DOCK2: variants seen among roughly 807,000 people sequenced by gnomAD.
The protein encoded by DOCK2 is dedicator of cytokinesis 2.
In DOCK2, 87 loss-of-function variants were observed where a neutral mutation model predicts 248.9. The observed-to-expected ratio is 0.35, with a 90% CI of 0.29 to 0.42. The LOEUF (loss-of-function observed/expected upper bound fraction) is 0.42. DOCK2 is among the 10% of genes least tolerant of loss of function. The pLI is 1.00. For synonymous variants in DOCK2, 805 were observed against 821.6 expected, an observed-to-expected ratio of 0.98 and a Z score of 0.35; for missense variants, 1,747 against 2,300.2, an observed-to-expected ratio of 0.76 and a Z score of 4.92.
chr5:169,898,474 T>C (rs1773735719), intron 27 of DOCK2, among the ~76,000 whole-genome samples: 1 of 152,186 alleles, frequency 6.6e-6, no homozygotes, highest in Non-Finnish European at 1.5e-5. Flanking sequence ...CTCAGTTTTC[T>C]TATCTGTAAC....
At chr5:169,772,046 T>C (rs900665636) in intron 25 of DOCK2, among the ~76,000 whole-genome samples, 3 of 152,228 alleles carry the variant, frequency 2.0e-5, no homozygotes, top group Non-Finnish European at 2.9e-5. Flanking sequence ...TTTCAGGACA[T>C]TGCTCTTTCC....
rs149297062 is a variant in DOCK2 at position 169,844,588 on chromosome 5, T to G, written c.2799+3736T>G. ...CCACTTCACATTCCCCCCAGCAATGTTTGAGGTTTTGTTTACCCACATCCC... is the reference window on the plus strand; with the variant it reads ...CCACTTCACATTCCCCCCAGCAATGGTTGAGGTTTTGTTTACCCACATCCC... On this transcript the variant is annotated intron_variant, in intron 27 of 51. Transcript: ENST00000520908. Among the ~76,000 whole-genome samples the G allele has an allele frequency of 7.9e-5, 12 of 152,342 alleles. No homozygotes were observed. In the East Asian group the frequency reaches 2.3e-3, roughly 29 times the overall value.
At chr5:170,058,858 G>A (rs558691785) in intron 44 of DOCK2, among the ~76,000 whole-genome samples, 55 of 152,274 alleles carry the variant, frequency 3.6e-4, no homozygotes, top group African/African-American at 1.3e-3. Flanking sequence ...GAACCCAGCA[G>A]CTCAGTAGCC....
chr5:169,825,099 T>G (rs1157483614), intron 26 of DOCK2, among the ~76,000 whole-genome samples: 1 of 152,150 alleles, frequency 6.6e-6, no homozygotes, highest in Non-Finnish European at 1.5e-5. Flanking sequence ...AGAATGGTGA[T>G]CATTAAAAAG....
chr5:169,671,308 G>A (rs1458697824), intron 5 of DOCK2, 134 bp downstream of exon 5: 2 of 685,916 alleles, frequency 2.9e-6, no homozygotes, highest in Non-Finnish European at 4.9e-6. Flanking sequence ...ACTATTACGT[G>A]TGAGGACATC....
At chr5:169,805,493 GA>G (rs903438861) in intron 26 of DOCK2, among the ~76,000 whole-genome samples, 62 of 152,294 alleles carry the variant, frequency 4.1e-4, no homozygotes, top group African/African-American at 1.1e-3. Context: ...TTTAAATGGG[GA>G]AAAAAATGTG....
At chr5:169,819,694 C>T (rs918793831) in intron 26 of DOCK2, among the ~76,000 whole-genome samples, 8 of 152,180 alleles carry the variant, frequency 5.3e-5, no homozygotes, top group Non-Finnish European at 8.8e-5. Context: ...CCAGCGTGAG[C>T]GACACAGAAG....
chr5:169,686,863 G>T (rs1340224824), intron 8 of DOCK2, among the ~76,000 whole-genome samples: 1 of 152,176 alleles, frequency 6.6e-6, no homozygotes, highest in Admixed American at 6.5e-5. Context: ...AGCAGTTCAG[G>T]TATCAGGCTA....
Position 169,996,137 on chromosome 5 carries a change from C to A in DOCK2, c.3045C>A (p.Phe1015Leu). Residue 1015 changes from phenylalanine (F) to leucine (L), a missense_variant, in exon 30 of 52, where the codon TTC becomes TTA. By Grantham distance (22) the Phe-to-Leu change is conservative. Transcript: ENST00000520908. Reference protein sequence around the residue: ...NKFAETMNQKFLEHTNFEFQL... With the variant: ...NKFAETMNQKLLEHTNFEFQL... ...TTGCAGAAACCATGAACCAGAAGTTCCTAGAACACACGAACTTTGAGTTCC... is the reference window on the plus strand; with the variant it reads ...TTGCAGAAACCATGAACCAGAAGTTACTAGAACACACGAACTTTGAGTTCC... The A allele has an allele frequency of 1.2e-6, 2 of 1,613,940 alleles. No individual in the cohort carries two copies. Among genetic ancestry groups the A allele is most frequent in the South Asian group, 2.2e-5 (2 of 91,046 alleles).
intron 27 of DOCK2, among the ~76,000 whole-genome samples, chr5:169,880,656 T>A (rs1772588913): frequency 6.6e-6 from 1 of 152,204 alleles, no homozygotes; most frequent in South Asian, 2.1e-4. Context: ...CACATTCACA[T>A]ATATTATTTC....
Position 169,747,258 on chromosome 5 carries a change from G to A in DOCK2, c.2268-138G>A, listed in dbSNP as rs1271532230. On this transcript the variant is annotated intron_variant, in intron 22 of 51. Coordinates refer to ENST00000520908, the MANE Select transcript of DOCK2 (RefSeq NM_004946.3). ...TGAGAGAATGATGCACGCAGCATCT[G>A]CAGAATCCTCTCCTCCTTGAAGTCC... The A allele has an allele frequency of 8.9e-6, 6 of 674,272 alleles. No individual in the cohort carries two copies. The Admixed American group carries it at 2.0e-4, about 22-fold the overall frequency. The allele number at this position is 674,272 out of a possible 1,614,324, so 41.8% of individuals were successfully genotyped here. A position where few individuals can be genotyped will look rare whatever the true frequency, so the allele number is the denominator to read the frequency against.
Position 169,812,934 on chromosome 5 carries a change from G to T in DOCK2, c.2703+9728G>T, listed in dbSNP as rs1007475678. On this transcript the variant is annotated intron_variant, in intron 26 of 51. Coordinates refer to ENST00000520908, the MANE Select transcript of DOCK2 (RefSeq NM_004946.3). ...GGCAGCCAGATGGTTTGGAGCCCTC[G>T]CAGTCTCCACAGAAGGCTTGCCGGG... Among the ~76,000 whole-genome samples the T allele has an allele frequency of 2.0e-5, 3 of 152,374 alleles. No homozygotes were observed. In the Middle Eastern group the frequency reaches 0.01, roughly 518 times the overall value.
At chr5:169,659,468 A>G (rs191079561) in intron 2 of DOCK2, among the ~76,000 whole-genome samples, 209 of 152,338 alleles carry the variant, frequency 1.4e-3, no homozygotes, top group Admixed American at 4.6e-3. Flanking sequence ...TATTTTTACA[A>G]CATGGCCCAG....
intron 44 of DOCK2, among the ~76,000 whole-genome samples, chr5:170,064,148 C>T (rs188120882): frequency 1.3e-5 from 2 of 152,246 alleles, no homozygotes; most frequent in African/African-American, 4.8e-5. Context: ...TCAGATCCTT[C>T]TTCTACACAA....
At chr5:169,950,421 C>G (rs1776613188) in intron 27 of DOCK2, among the ~76,000 whole-genome samples, 1 of 152,198 alleles carries the variant, frequency 6.6e-6, no homozygotes, top group Admixed American at 6.5e-5. Flanking sequence ...TTTGGACTTT[C>G]AAACAACAGA....
At chr5:170,049,349 A>T (rs1416883234) in intron 40 of DOCK2, among the ~76,000 whole-genome samples, 2 of 152,172 alleles carry the variant, frequency 1.3e-5, no homozygotes, top group Non-Finnish European at 2.9e-5. Context: ...TCTTGACCTC[A>T]TGATCCGCCT....
At chr5:170,042,278 T>C in intron 38 of DOCK2, 146 bp downstream of exon 38, 2 of 1,068,758 alleles carry the variant, frequency 1.9e-6, no homozygotes, top group Non-Finnish European at 2.6e-6. Context: ...TTCCTCTCCA[T>C]CTCCATTCCT....
At position 169,718,708 on chromosome 5, in the gene DOCK2, G is replaced by A. The variant is rs750458101; in HGVS notation, c.2184G>A (p.Glu728=). ...KTYLDTSSRG[E]QCEPILRTLK... ...ACTTGGATACCTCCAGCAGAGGGGA[G>A]CAATGTGAGCCAATCCTAAGAACGC... Residue 728 remains glutamate, a synonymous_variant, in exon 22 of 52, where the codon GAG becomes GAA. Transcript: ENST00000520908. 2.5e-6 allele frequency: 4 copies of A among 1,613,958 alleles called. No homozygotes were observed. The highest frequency in any genetic ancestry group is 1.7e-4 in the Middle Eastern group (1 of 6,060).
At chr5:170,027,157 A>C (rs555233608) in intron 33 of DOCK2, among the ~76,000 whole-genome samples, 1 of 152,160 alleles carries the variant, frequency 6.6e-6, no homozygotes, top group South Asian at 2.1e-4. Flanking sequence ...TTGAGCAAAA[A>C]GACTCATTTT....
Sources: gnomAD v4.1 joint callset for allele counts (sites outside exome capture counted in the v4.1 genomes callset) on GRCh38, gnomAD v4.1.1 for gene constraint, MANE v1.5 for transcripts, NCBI Gene and HGNC (gene_info 2026-07-23, HGNC 2026-07-21) for gene names.